The following SLC44A3 variants were observed in gnomAD, a reference collection of about 807,000 sequenced individuals.
SLC44A3 encodes solute carrier family 44 member 3, also known as choline transporter-like protein 3.
SLC44A3 carries 74 observed loss-of-function variants against 75.4 expected under a neutral mutation model. That is an observed-to-expected ratio of 0.98 (90% CI 0.81 to 1.19). SLC44A3 has a LOEUF of 1.19. Among genes scored for constraint, SLC44A3 ranks in the 50% most tolerant of loss-of-function variants. SLC44A3 has a pLI of 0.00. For synonymous variants in SLC44A3, 310 were observed against 296.9 expected (o/e 1.04, Z -0.45); for missense variants, 700 against 778.6 (o/e 0.90, Z 1.20).
At chr1:94,857,741 A>G (rs1317909826) in intron 10 of SLC44A3, among the ~76,000 whole-genome samples, 4 of 152,102 alleles carry the variant, frequency 2.6e-5, no homozygotes, top group African/African-American at 9.7e-5. Context: ...GAAAGAAGAC[A>G]AACAGAAAAG....
chr1:94,870,758 C>T (rs1667673602), intron 12 of SLC44A3, among the ~76,000 whole-genome samples: 1 of 152,234 alleles, frequency 6.6e-6, no homozygotes, highest in Admixed American at 6.5e-5. Flanking sequence ...TCTCAGCTCA[C>T]TGCAACCTCT....
In SLC44A3 at chr1:94,824,427, C is replaced by T. The variant is rs1313444158; in HGVS notation, c.136-66C>T. ...AGGCTCCGTTTTATATCAGCATCTG[C>T]AGGGGTGTGGGGCACTGTGCGCTCA... On this transcript the variant is annotated intron_variant, in intron 2 of 14. Coordinates refer to ENST00000271227, the MANE Select transcript of SLC44A3 (RefSeq NM_001114106.3). 23 of 1,497,722 alleles carry T rather than the reference C, an allele frequency of 1.5e-5. No homozygotes were observed. The Admixed American group carries it at 5.7e-4, about 37-fold the overall frequency. 92.8% of individuals were successfully genotyped at this position (1,497,722 alleles called of 1,614,324 possible).
intron 12 of SLC44A3, among the ~76,000 whole-genome samples, chr1:94,883,666 TA>T (rs1409138074): frequency 1.3e-5 from 2 of 152,216 alleles, no homozygotes; most frequent in African/African-American, 4.8e-5. Context: ...CTACACTGCC[TA>T]AACTTAAAAC....
rs1325213081 is a variant in SLC44A3, at chr1:94,861,059, T to TA, written c.1238+3566dup. ...TGAGGCCCATGGAAATCCAAGCTAA[T>TA]AAAAAAATGTGAAACAATTAACTTC... On this transcript the variant is annotated intron_variant, in intron 10 of 14. Coordinates refer to ENST00000271227, the MANE Select transcript of SLC44A3 (RefSeq NM_001114106.3). Among the ~76,000 whole-genome samples, 6 of 151,762 alleles carry TA rather than the reference T, an allele frequency of 4.0e-5. No individual in the cohort carries two copies. In the East Asian group the frequency reaches 5.8e-4, roughly 15 times the overall value.
chr1:94,883,472 C>A (rs376869835), intron 12 of SLC44A3, among the ~76,000 whole-genome samples: 1 of 152,174 alleles, frequency 6.6e-6, no homozygotes, highest in African/African-American at 2.4e-5. Flanking sequence ...AGCCACTATA[C>A]TCCAGCCTGG....
intron 6 of SLC44A3, among the ~76,000 whole-genome samples, chr1:94,839,557 T>G (rs575430232): frequency 6.6e-6 from 1 of 150,852 alleles, no homozygotes; most frequent in South Asian, 2.1e-4. Context: ...CCTGGCTAAT[T>G]TTTGTATTTT....
intron 10 of SLC44A3, among the ~76,000 whole-genome samples, chr1:94,858,242 T>C (rs982499947): frequency 6.6e-6 from 1 of 152,222 alleles, no homozygotes; most frequent in African/African-American, 2.4e-5. Context: ...CCTCAGTTTG[T>C]CCTCTGCAAA....
At chr1:94,874,048 T>C (rs937630583) in intron 12 of SLC44A3, among the ~76,000 whole-genome samples, 1 of 152,148 alleles carries the variant, frequency 6.6e-6, no homozygotes, top group Non-Finnish European at 1.5e-5. Flanking sequence ...ATGCCTCGTG[T>C]GTGCGTGCTT....
intron 3 of SLC44A3, among the ~76,000 whole-genome samples, chr1:94,825,581 G>C (rs1355145735): frequency 6.6e-6 from 1 of 152,142 alleles, no homozygotes; most frequent in Admixed American, 6.5e-5. Context: ...TGTCACCTCA[G>C]CCTCCCAAAG....
chr1:94,824,563 G>A lies in SLC44A3; in HGVS notation c.206G>A (p.Gly69Asp), dbSNP rs148935541. Residue 69 changes from glycine (G) to aspartate (D), a missense_variant, in exon 3 of 15, where the codon GGC becomes GAC. Transcript: ENST00000271227. ...GRLLFGYDSFGNMCGKKNSPV... is the reference protein window; with the variant it reads ...GRLLFGYDSFDNMCGKKNSPV... ...CTCCTCTTTGGCTATGACAGCTTTGGCAACATGTGTGGCAAGAAGAACTCC... is the reference window on the plus strand; with the variant it reads ...CTCCTCTTTGGCTATGACAGCTTTGACAACATGTGTGGCAAGAAGAACTCC... 5.7e-4 allele frequency: 923 copies of A among 1,613,204 alleles called. 2 individuals carry two copies. The highest frequency in any genetic ancestry group is 7.4e-4 in the Non-Finnish European group (878 of 1,179,804).
At position 94,827,631 on chromosome 1, in the gene SLC44A3, G is replaced by A; in HGVS notation, c.403G>A (p.Ala135Thr). The change falls in exon 4 of 15, where the codon GCA becomes ACA. Residue 135 changes from alanine to threonine, a missense_variant. Physicochemically the swap from Ala to Thr is moderately conservative, Grantham distance 58 (BLOSUM62 0). Transcript: ENST00000271227. The part of the protein sequence containing the change: ...LDSLEEVQFF[A>T]NTSGSFLCVY... Reference sequence around the variant, plus strand: ...CTCCCTGGAAGAGGTCCAGTTCTTTGCAAACACCAGTGGTAGGCACTAAGG... The same window carrying A: ...CTCCCTGGAAGAGGTCCAGTTCTTTACAAACACCAGTGGTAGGCACTAAGG... 4 of 1,614,154 alleles carry A rather than the reference G, an allele frequency of 2.5e-6. No homozygotes were observed. Among genetic ancestry groups the A allele is most frequent in the Non-Finnish European group, 3.4e-6 (4 of 1,180,018 alleles).
At chr1:94,858,820 T>G (rs1666226040) in intron 10 of SLC44A3, among the ~76,000 whole-genome samples, 1 of 152,030 alleles carries the variant, frequency 6.6e-6, no homozygotes, top group South Asian at 2.1e-4. Flanking sequence ...GTCTCCCGAG[T>G]AGCTGGGACT....
intron 12 of SLC44A3, among the ~76,000 whole-genome samples, chr1:94,875,673 G>A (rs1378322159): frequency 6.6e-6 from 1 of 152,078 alleles, no homozygotes; most frequent in Non-Finnish European, 1.5e-5. Context: ...AGGAACATTT[G>A]CATCCTGGGA....
intron 9 of SLC44A3, among the ~76,000 whole-genome samples, chr1:94,850,467 T>A (rs1002934536): frequency 2.0e-5 from 3 of 152,162 alleles, no homozygotes; most frequent in African/African-American, 7.2e-5. Flanking sequence ...GGGAGTGGAC[T>A]TCCCGCGAGG....
chr1:94,830,837 G>T (rs987121221), intron 5 of SLC44A3, among the ~76,000 whole-genome samples: 1 of 152,162 alleles, frequency 6.6e-6, no homozygotes, highest in African/African-American at 2.4e-5. Context: ...TCCACAGGAA[G>T]CTTATATCTT....
intron 3 of SLC44A3, among the ~76,000 whole-genome samples, chr1:94,826,653 G>T (rs1661394936): frequency 7.1e-6 from 1 of 139,914 alleles, no homozygotes; most frequent in Admixed American, 7.1e-5. Context: ...AAAAAAAAAA[G>T]AAAGATTCAG....
intron 12 of SLC44A3, among the ~76,000 whole-genome samples, chr1:94,889,969 A>G (rs1467504607): frequency 1.3e-5 from 2 of 151,544 alleles, no homozygotes; most frequent in African/African-American, 4.9e-5. Context: ...TCCTGCCTCA[A>G]CCTCCCGAGT....
chr1:94,876,009 T>C (rs1668244174), intron 12 of SLC44A3, among the ~76,000 whole-genome samples: 1 of 152,236 alleles, frequency 6.6e-6, no homozygotes, highest in Non-Finnish European at 1.5e-5. Context: ...TGTGTTCTGA[T>C]GAGCAGTGTT....
chr1:94,858,547 G>A (rs1269532653), intron 10 of SLC44A3, among the ~76,000 whole-genome samples: 1 of 152,286 alleles, frequency 6.6e-6, no homozygotes, highest in South Asian at 2.1e-4. Flanking sequence ...TCTTCATAGG[G>A]CTGATCCTCC....
Sources: gnomAD v4.1 joint callset for allele counts (sites outside exome capture counted in the v4.1 genomes callset) on GRCh38, gnomAD v4.1.1 for gene constraint, MANE v1.5 for transcripts, NCBI Gene and HGNC (gene_info 2026-07-23, HGNC 2026-07-21) for gene names.